The following GUSB variants were observed in gnomAD, a reference collection of about 807,000 sequenced individuals.
The protein encoded by GUSB is beta-glucuronidase.
Under a neutral mutation model 74.6 loss-of-function variants are expected in GUSB, and 51 were observed. The observed-to-expected ratio is 0.68, with a 90% confidence interval of 0.55 to 0.86. GUSB has a LOEUF of 0.86. GUSB is among the 40% of genes least tolerant of loss of function. The pLI, the probability that GUSB is intolerant of heterozygous loss-of-function variation, is 0.00. For missense variants in GUSB, 736 were observed against 853.7 expected (o/e 0.86, Z 1.72); for synonymous variants, 360 against 348.3 (o/e 1.03, Z -0.37).
At chr7:65,981,890 G>A (rs756872456) in intron 1 of GUSB, 84 bp downstream of exon 1, 6 of 1,229,228 alleles carry the variant, frequency 4.9e-6, no homozygotes, top group Non-Finnish European at 5.6e-6. Context: ...GACGCCCAGG[G>A]GAAGAAGTCT....
chr7:65,981,594 G>C (rs903281940), intron 1 of GUSB, among the ~76,000 whole-genome samples: 5 of 151,918 alleles, frequency 3.3e-5, no homozygotes, highest in Non-Finnish European at 7.4e-5. Context: ...GCAAGGCTGG[G>C]GCGGGAGAAT....
chr7:65,973,130 A>T (rs1791324037), intron 8 of GUSB, among the ~76,000 whole-genome samples: 1 of 152,128 alleles, frequency 6.6e-6, no homozygotes, highest in Admixed American at 6.6e-5. Context: ...CAGGAGTTCC[A>T]CGCCAGCCTG....
chr7:65,975,278 G>A, intron 5 of GUSB: 1 of 595,382 alleles, frequency 1.7e-6, no homozygotes, highest in African/African-American at 1.8e-5. Flanking sequence ...AAGACAAGGT[G>A]GCTCATGCCT....
Position 65,979,733 on chromosome 7 carries a change from G to A in GUSB, c.575C>T (p.Thr192Ile), listed in dbSNP as rs1791857301. The A allele has an allele frequency of 1.2e-6, 2 of 1,613,560 alleles. No individual in the cohort carries two copies. The highest frequency in any genetic ancestry group is 2.7e-5 in the African/African-American group (2 of 75,054). The part of the protein sequence containing the change: ...PPGTIQYLTD[T>I]SKYPKGYFVQ... The stretch of plus-strand genomic sequence containing the variant: ...GAGGCAGGATGGTACCCACTTGGAG[G>A]TGTCAGTCAGGTATTGGATGGTCCC... The change falls in exon 3 of 12, where the codon ACC (threonine) becomes ATC (isoleucine). Residue 192 changes from threonine to isoleucine, a missense_variant. Physicochemically the swap from Thr to Ile is moderately conservative, Grantham distance 89. Around this residue, in one of 2 missense-constraint regions of GUSB, gnomAD observed 368 missense variants for 363.8 expected, o/e 1.01. Transcript: ENST00000304895.
At chr7:65,980,513 A>G in intron 1 of GUSB, 104 bp from the exon 2 acceptor site, 2 of 1,034,590 alleles carry the variant, frequency 1.9e-6, no homozygotes, top group Non-Finnish European at 3.0e-6. Context: ...CCTGACACAT[A>G]GCGGGGATTC....
At chr7:65,977,722 C>T (rs1445707819) in intron 4 of GUSB, among the ~76,000 whole-genome samples, 1 of 151,818 alleles carries the variant, frequency 6.6e-6, no homozygotes, top group Non-Finnish European at 1.5e-5. Context: ...CGCGGCCCCA[C>T]AACGGCTGTC....
At chr7:65,977,874 A>G (rs1001662167) in intron 4 of GUSB, among the ~76,000 whole-genome samples, 2 of 151,982 alleles carry the variant, frequency 1.3e-5, no homozygotes, top group African/African-American at 4.8e-5. Context: ...GCAGTGATGC[A>G]ATCTCAGCTC....
rs928585222 is a variant in GUSB at position 65,970,445 on chromosome 7, C to T, written c.1392-79G>A. 6.8e-6 allele frequency: 6 copies of T among 886,488 alleles called. No individual in the cohort carries two copies. The Admixed American group carries it at 9.1e-5, about 13-fold the overall frequency. The allele number at this position is 886,488 out of a possible 1,614,324, so 54.9% of individuals were successfully genotyped here. ...CACCCTCCCATCCTCTCTGTCCCAT[C>T]TTCCACCGCCAGAACACAACACGGG... On this transcript the variant is annotated intron_variant, in intron 8 of 11. Transcript: ENST00000304895.
In GUSB at chr7:65,967,842, C is replaced by T. The variant is rs1230599671; in HGVS notation, c.1542G>A (p.Leu514=). 6.2e-7 allele frequency: 1 copy of T among 1,609,130 alleles called. No individual in the cohort carries two copies. The highest frequency in any genetic ancestry group is 1.7e-5 in the Admixed American group (1 of 60,006). The change falls in exon 10 of 12, where the codon CTG becomes CTA. Residue 514 remains leucine, a synonymous_variant. Coordinates refer to ENST00000304895, the MANE Select transcript of GUSB (RefSeq NM_000181.4). The stretch of plus-strand genomic sequence containing the variant: ...TGGCCAGCTGCAGCTGAATCAACTC[C>T]AGGTGCCCGTAGTCGTGATACCAAG... ...YYSWYHDYGH[L]ELIQLQLATQ...
chr7:65,961,751 C>A (rs1790511237), intron 11 of GUSB, among the ~76,000 whole-genome samples: 1 of 152,182 alleles, frequency 6.6e-6, no homozygotes, highest in Admixed American at 6.5e-5. Context: ...TGCCTGTAAT[C>A]CCAGCACTCT....
chr7:65,975,147 C>T (rs1297717079), intron 5 of GUSB, 76 bp from the exon 6 acceptor site: 1 of 1,333,846 alleles, frequency 7.5e-7, no homozygotes, highest in Non-Finnish European at 1.1e-6. Context: ...AGCAGGAAGG[C>T]CCCTCGTGCA....
At chr7:65,977,302 G>C (rs966261613) in intron 4 of GUSB, among the ~76,000 whole-genome samples, 2 of 152,076 alleles carry the variant, frequency 1.3e-5, no homozygotes, top group Non-Finnish European at 2.9e-5. Context: ...TCAACCTCCT[G>C]AGTAGCCGGG....
intron 8 of GUSB, among the ~76,000 whole-genome samples, chr7:65,971,739 A>G (rs559008249): frequency 1.4e-5 from 2 of 146,916 alleles, no homozygotes; most frequent in African/African-American, 5.0e-5. Flanking sequence ...TTGCGGAAAA[A>G]AAAAAAAAAA....
intron 4 of GUSB, 132 bp downstream of exon 4, chr7:65,979,267 T>C: frequency 3.1e-6 from 3 of 972,618 alleles, no homozygotes; most frequent in Non-Finnish European, 3.3e-6. Flanking sequence ...GAATTTTAGC[T>C]TCATAGGTGG....
chr7:65,970,531 C>G (rs1397224482), intron 8 of GUSB, among the ~76,000 whole-genome samples, 165 bp from the exon 9 acceptor site: 2 of 151,866 alleles, frequency 1.3e-5, no homozygotes, highest in African/African-American at 4.8e-5. Context: ...GTGGGTGGAT[C>G]ACTTGAGGTC....
intron 4 of GUSB, among the ~76,000 whole-genome samples, chr7:65,978,178 G>A (rs554717295): frequency 5.9e-5 from 9 of 152,276 alleles, no homozygotes; most frequent in Non-Finnish European, 1.0e-4. Flanking sequence ...CAGACCGAGC[G>A]CTGTGGCTCA....
At chr7:65,970,692 T>G (rs1022174602) in intron 8 of GUSB, among the ~76,000 whole-genome samples, 3 of 151,768 alleles carry the variant, frequency 2.0e-5, no homozygotes, top group East Asian at 1.9e-4. Context: ...AGGAGATCGA[T>G]ACCATCCTAA....
At chr7:65,961,140 G>C in intron 11 of GUSB, 77 bp from the exon 12 acceptor site, 1 of 1,345,368 alleles carries the variant, frequency 7.4e-7, no homozygotes, top group Non-Finnish European at 1.1e-6. Flanking sequence ...CTGGAGCTAA[G>C]GTAGGCACTA....
At position 65,970,268 on chromosome 7, in the gene GUSB, A is replaced by AC; in HGVS notation, c.1476+13dup. The stretch of plus-strand genomic sequence containing the variant: ...AAAGGCAGGGAGAAGTGGGGTGGGG[A>AC]CCCCCAGGCTCACCCCCTTGTCTGC... On this transcript the variant is annotated intron_variant, in intron 9 of 11. Coordinates refer to ENST00000304895, the MANE Select transcript of GUSB (RefSeq NM_000181.4). 6.4e-7 allele frequency: 1 copy of AC among 1,567,438 alleles called. No homozygotes were observed. Among genetic ancestry groups the AC allele is most frequent in the Non-Finnish European group, 8.8e-7 (1 of 1,138,396 alleles).
Sources: allele counts gnomAD v4.1 joint callset (sites outside exome capture counted in the v4.1 genomes callset), GRCh38; gene constraint gnomAD v4.1.1; regional missense constraint gnomAD v4.1.1; transcripts MANE v1.5; gene names NCBI Gene and HGNC (gene_info 2026-07-23, HGNC 2026-07-21).